Variants in ATAD3A observed in about 807,000 individuals in gnomAD.
The protein encoded by ATAD3A is ATPase family AAA domain-containing protein 3A.
Under a neutral mutation model 73.8 loss-of-function variants are expected in ATAD3A, and 46 were observed. That is an observed-to-expected ratio of 0.62 (90% confidence interval 0.49 to 0.80). ATAD3A has a LOEUF of 0.80. ATAD3A is among the 30% of genes least tolerant of loss of function. The pLI is 0.00. For synonymous variants in ATAD3A, 319 were observed against 350.0 expected (o/e 0.91, Z 0.99); for missense variants, 705 against 838.0 (o/e 0.84, Z 1.96).
intron 4 of ATAD3A, among the ~76,000 whole-genome samples, chr1:1,518,622 C>CA (rs1557460783): frequency 1.3e-4 from 6 of 45,820 alleles, no homozygotes; most frequent in East Asian, 3.3e-3. Flanking sequence ...GGCGTACACA[C>CA]CCCCCCCCAC....
chr1:1,534,315 T>A lies in ATAD3A; in HGVS notation c.*243T>A, dbSNP rs150555648. ...TGCCCCTCGAGACACTCTTGGGAGATGCATTTTCCGTCTGGCTCACAGGGG... is the reference window on the plus strand; with the variant it reads ...TGCCCCTCGAGACACTCTTGGGAGAAGCATTTTCCGTCTGGCTCACAGGGG... On this transcript the variant is annotated 3_prime_UTR_variant, in exon 16 of 16. Coordinates refer to ENST00000378756, the MANE Select transcript of ATAD3A (RefSeq NM_001170535.3). 3.4e-4 allele frequency: 477 copies of A among 1,419,790 alleles called. 2 individuals carry two copies. The African/African-American group carries it at 5.9e-3, about 17-fold the overall frequency. 87.9% of individuals were successfully genotyped at this position (1,419,790 alleles called of 1,614,324 possible).
intron 13 of ATAD3A, 93 bp from the exon 14 acceptor site, chr1:1,527,602 A>T: frequency 6.9e-7 from 1 of 1,454,416 alleles, no homozygotes; most frequent in East Asian, 2.4e-5. Context: ...CCGCCACTTT[A>T]GGTTCTCCCT....
At position 1,523,980 on chromosome 1, in the gene ATAD3A, T is replaced by G; in HGVS notation, c.1089+16T>G. 1 of 1,613,626 alleles carries G rather than the reference T, an allele frequency of 6.2e-7. No individual in the cohort carries two copies. Among genetic ancestry groups the G allele is most frequent in the Non-Finnish European group, 8.5e-7 (1 of 1,179,980 alleles). On this transcript the variant is annotated intron_variant, in intron 10 of 15. Transcript: ENST00000378756. This position sits in a 1 kb window ranked among gnomAD's most constrained non-coding sequence, Gnocchi z 5.1. ...GTTTGCCAAGGTGAGAGCGCCTGGCTGAACAGGTGGGCCAGGGGCCGCTGG... is the reference window on the plus strand; with the variant it reads ...GTTTGCCAAGGTGAGAGCGCCTGGCGGAACAGGTGGGCCAGGGGCCGCTGG...
rs1641382412 is a variant in ATAD3A, at chr1:1,517,071, G to T, written c.283-240G>T. The T allele has an allele frequency of 1.4e-5, 21 of 1,508,238 alleles. 1 individual carries two copies. In the South Asian group the frequency reaches 2.2e-4, roughly 16 times the overall value. 93.4% of individuals were successfully genotyped at this position (1,508,238 alleles called of 1,614,324 possible). ...TGCCCTCAGTGCAGTCCAAAAGGGG[G>T]TGTCCGGCCTCCCTCCCGGGGGGCC... On this transcript the variant is annotated intron_variant, in intron 2 of 15. Coordinates refer to ENST00000378756, the MANE Select transcript of ATAD3A (RefSeq NM_001170535.3).
rs1226854735 is a variant in ATAD3A, at chr1:1,520,254, C to T, written c.628C>T (p.Gln210Ter). ...GGAGAATGCAGACATCATCCGCGAG[C>T]AGATCCGCCTGAAGGCGGCCGAGCA... ...ERENADIIRE[Q>*]IRLKAAEHRQ... The change falls in exon 6 of 16, where the codon CAG becomes TAG. Residue 210 changes from glutamine to a stop codon, truncating the protein, a stop_gained. Coordinates refer to ENST00000378756, the MANE Select transcript of ATAD3A (RefSeq NM_001170535.3). LOFTEE classifies it high-confidence loss of function. The surrounding 1 kb of genome is among the most constrained non-coding windows in gnomAD (Gnocchi z 4.0). The T allele has an allele frequency of 6.2e-7, 1 of 1,612,926 alleles. No homozygotes were observed. The highest frequency in any genetic ancestry group is 8.5e-7 in the Non-Finnish European group (1 of 1,179,668).
chr1:1,518,929 CAAT>C lies in ATAD3A; in HGVS notation c.454_456del (p.Asn152del). On this transcript the variant is annotated inframe_deletion, in exon 5 of 16. Transcript: ENST00000378756. The stretch of plus-strand genomic sequence containing the variant: ...CTGCGGCTTCTTCTCAGCAACTTCT[CAAT>C]GAGGAGAATTTACGGAAGCAGGAGG... 1.2e-6 allele frequency: 2 copies of C among 1,614,140 alleles called. No individual in the cohort carries two copies. Among genetic ancestry groups the C allele is most frequent in the Non-Finnish European group, 1.7e-6 (2 of 1,179,986 alleles).
chr1:1,530,230 G>A (rs115990140), intron 15 of ATAD3A, among the ~76,000 whole-genome samples: 3,691 of 152,230 alleles, frequency 0.024, 66 homozygotes, highest in African/African-American at 0.044. Flanking sequence ...AACCAGGTCT[G>A]TTTCCACAAC....
At chr1:1,530,246 AAGC>A (rs1365808509) in intron 15 of ATAD3A, among the ~76,000 whole-genome samples, 1 of 152,154 alleles carries the variant, frequency 6.6e-6, no homozygotes, top group Non-Finnish European at 1.5e-5. Flanking sequence ...ACAACTAAGA[AAGC>A]AGAGGCCGGG....
At chr1:1,530,644 A>G (rs1642001877) in intron 15 of ATAD3A, among the ~76,000 whole-genome samples, 2 of 123,110 alleles carry the variant, frequency 1.6e-5, no homozygotes, top group South Asian at 5.3e-4. Context: ...CCCGGCTAAA[A>G]CGGTGAAACC....
intron 5 of ATAD3A, 141 bp downstream of exon 5, chr1:1,519,131 G>A: frequency 1.9e-6 from 3 of 1,546,362 alleles, no homozygotes; most frequent in Non-Finnish European, 2.6e-6. Context: ...GCTCCGCGGG[G>A]TGGGGCTGCC....
At chr1:1,518,163 C>T (rs976787298) in intron 4 of ATAD3A, among the ~76,000 whole-genome samples, 8 of 150,222 alleles carry the variant, frequency 5.3e-5, no homozygotes, top group East Asian at 3.9e-4. Flanking sequence ...CCACACAACA[C>T]GGGCAGGCAC....
At position 1,519,009 on chromosome 1, in the gene ATAD3A, T is replaced by A. The variant is rs769297738; in HGVS notation, c.514+19T>A. On this transcript the variant is annotated intron_variant, in intron 5 of 15. Transcript: ENST00000378756. ...CGGCGAGGTAGGCTGTCTGCTCTCC[T>A]GGCTGGGGCGGAGGTGGCGGGGGCT... 7.4e-6 allele frequency: 12 copies of A among 1,614,028 alleles called. No individual in the cohort carries two copies. Among genetic ancestry groups the A allele is most frequent in the Non-Finnish European group, 8.5e-6 (10 of 1,179,908 alleles).
intron 15 of ATAD3A, among the ~76,000 whole-genome samples, chr1:1,529,631 T>C (rs867411131): frequency 2.6e-5 from 4 of 152,234 alleles, no homozygotes; most frequent in South Asian, 2.1e-4. Context: ...TGGAGGCTTC[T>C]GACTCTCACC....
rs905421314 is a variant in ATAD3A at position 1,512,200 on chromosome 1, C to T, written c.-69C>T. The T allele has an allele frequency of 4.1e-6, 5 of 1,231,560 alleles. No homozygotes were observed. The highest frequency in any genetic ancestry group is 3.3e-5 in the East Asian group (1 of 30,472). 76.3% of individuals were successfully genotyped at this position (1,231,560 alleles called of 1,614,324 possible). A position where few individuals can be genotyped will look rare whatever the true frequency, so the allele number is the denominator to read the frequency against. ...ACCGGCTCGCGGCGCGTGGAGGCTG[C>T]TCCCAGCCGCGCGCGAGTCAGACTC... On this transcript the variant is annotated 5_prime_UTR_variant, in exon 1 of 16. Coordinates refer to ENST00000378756, the MANE Select transcript of ATAD3A (RefSeq NM_001170535.3).
chr1:1,516,580 T>G (rs1439419961), intron 2 of ATAD3A, among the ~76,000 whole-genome samples: 3 of 151,988 alleles, frequency 2.0e-5, no homozygotes, highest in African/African-American at 7.2e-5. Flanking sequence ...ACCTGGCTAA[T>G]TTTTATATTT....
chr1:1,529,465 C>T, intron 15 of ATAD3A, 134 bp downstream of exon 15: 5 of 1,456,816 alleles, frequency 3.4e-6, no homozygotes, highest in South Asian at 2.8e-5. Context: ...ACAGAGGTGA[C>T]ACAGGGCCCC....
intron 4 of ATAD3A, among the ~76,000 whole-genome samples, chr1:1,518,009 ACT>A (rs1641423470): frequency 6.6e-6 from 1 of 151,282 alleles, no homozygotes; most frequent in Non-Finnish European, 1.5e-5. Context: ...ACGGACACAC[ACT>A]CCTCGCACAC....
At chr1:1,529,506 C>T (rs745420925) in intron 15 of ATAD3A, among the ~76,000 whole-genome samples, 175 bp downstream of exon 15, 5 of 152,226 alleles carry the variant, frequency 3.3e-5, no homozygotes, top group Non-Finnish European at 5.9e-5. Flanking sequence ...CACGAGGCAT[C>T]GCGCACCTGC....
chr1:1,518,440 T>C (rs1641449569), intron 4 of ATAD3A, among the ~76,000 whole-genome samples: 1 of 101,624 alleles, frequency 9.8e-6, no homozygotes, highest in Non-Finnish European at 1.9e-5. Flanking sequence ...CCCACACACA[T>C]GGGCGCGCGT....
Sources: gnomAD v4.1 joint callset for allele counts (sites outside exome capture counted in the v4.1 genomes callset) on GRCh38, gnomAD v4.1.1 for gene constraint, Gnocchi (gnomAD v3.1) non-coding constraint, MANE v1.5 for transcripts, NCBI Gene and HGNC (gene_info 2026-07-23, HGNC 2026-07-21) for gene names.